SV2C: variants seen among roughly 807,000 people sequenced by gnomAD.
SV2C encodes solute carrier family 22 member B3.
Under a neutral mutation model 79.7 loss-of-function variants are expected in SV2C, and 49 were observed. The observed-to-expected ratio is 0.61, with a 90% CI of 0.49 to 0.78. The LOEUF is 0.78. Ranked by LOEUF, SV2C falls within the 30% of genes least tolerant of loss-of-function variation. The probability of loss-of-function intolerance (pLI) is 0.00; values close to 1 mark genes in which losing one functional copy is unlikely to be tolerated. For synonymous variants in SV2C, 334 were observed against 333.2 expected (o/e 1.00, Z -0.03); for missense variants, 833 against 912.9 (o/e 0.91, Z 1.13).
intron 1 of SV2C, among the ~76,000 whole-genome samples, chr5:76,098,726 C>T (rs1747642227): frequency 6.6e-6 from 1 of 152,172 alleles, no homozygotes; most frequent in South Asian, 2.1e-4. Context: ...AAACAATAAA[C>T]CTGTAAAGGT....
intron 12 of SV2C, among the ~76,000 whole-genome samples, chr5:76,303,800 G>A (rs1026013881): frequency 6.6e-6 from 1 of 152,234 alleles, no homozygotes; most frequent in African/African-American, 2.4e-5. Flanking sequence ...GCAGATGTCA[G>A]GATGGGATTA....
the SV2C span, among the ~76,000 whole-genome samples, chr5:75,893,522 G>A: frequency 0.24 from 36,163 of 151,832 alleles, 4,841 homozygotes; most frequent in East Asian, 0.42. Context: ...GCATGTTGTC[G>A]TAAGTGAGAG....
At chr5:75,990,341 C>A in the SV2C span, among the ~76,000 whole-genome samples, 2 of 151,838 alleles carry the variant, frequency 1.3e-5, no homozygotes, top group Non-Finnish European at 2.9e-5. Context: ...AGGAAGGGGT[C>A]CAGTTTCAAT....
At chr5:76,189,878 C>G (rs763374347) in intron 2 of SV2C, among the ~76,000 whole-genome samples, 2 of 152,148 alleles carry the variant, frequency 1.3e-5, no homozygotes, top group African/African-American at 2.4e-5. Context: ...TTCCCCAAGT[C>G]TTTCTTACAT....
chr5:76,103,633 T>G (rs1747811728), intron 1 of SV2C, among the ~76,000 whole-genome samples: 1 of 152,198 alleles, frequency 6.6e-6, no homozygotes, highest in Non-Finnish European at 1.5e-5. Flanking sequence ...TTATATTAAG[T>G]TTGATTAATA....
At chr5:75,934,676 T>G in the SV2C span, among the ~76,000 whole-genome samples, 1 of 152,170 alleles carries the variant, frequency 6.6e-6, no homozygotes, top group Non-Finnish European at 1.5e-5. Flanking sequence ...TGATTAGGCC[T>G]TAAAGAAATC....
At chr5:76,336,105 C>T (rs550795263), downstream of SV2C, among the ~76,000 whole-genome samples, 2 of 55,138 alleles carry the variant, frequency 3.6e-5, no homozygotes, top group Non-Finnish European at 1.3e-4. Flanking sequence ...GGGGTCTGAC[C>T]CCCCCCACCT....
the SV2C span, among the ~76,000 whole-genome samples, chr5:75,932,596 C>T: frequency 6.6e-5 from 10 of 152,322 alleles, no homozygotes; most frequent in African/African-American, 1.9e-4. Flanking sequence ...AAGCATTCTT[C>T]GTGAAGAGCA....
chr5:76,237,992 A>ACG lies in SV2C; in HGVS notation c.913+28105_913+28106insCG, dbSNP rs1554042039. Among the ~76,000 whole-genome samples, 515 of 126,136 alleles carry ACG rather than the reference A, an allele frequency of 4.1e-3. 4 individuals carry two copies. Among genetic ancestry groups the ACG allele is most frequent in the Middle Eastern group, 0.024 (6 of 252 alleles). The allele number at this position is 126,136 out of a possible 152,430, so 82.8% of individuals were successfully genotyped here. On this transcript the variant is annotated intron_variant, in intron 4 of 12. Coordinates refer to ENST00000502798, the MANE Select transcript of SV2C (RefSeq NM_014979.4). ...CTAACACACACACACACACACACACATACATACATACATACATATACACAC... is the reference window on the plus strand; with the variant it reads ...CTAACACACACACACACACACACACACGTACATACATACATACATATACACAC...
intron 12 of SV2C, among the ~76,000 whole-genome samples, chr5:76,352,232 CA>C (rs1240104831): frequency 7.3e-5 from 11 of 151,716 alleles, no homozygotes; most frequent in African/African-American, 2.7e-4. Context: ...CAAAACAAAA[CA>C]AAAACATCTG....
chr5:76,082,548 C>T (rs193079856), upstream of SV2C, among the ~76,000 whole-genome samples: 1 of 151,706 alleles, frequency 6.6e-6, no homozygotes, highest in East Asian at 1.9e-4. Context: ...CTCTCTTTCT[C>T]CCTCCTCCTC....
intron 2 of SV2C, among the ~76,000 whole-genome samples, chr5:76,165,093 A>G (rs1407187732): frequency 6.6e-6 from 1 of 151,312 alleles, no homozygotes; most frequent in Admixed American, 6.6e-5. Context: ...CAGAGGTGGA[A>G]CCCACAGGTA....
chr5:76,211,463 CGTGTGT>C (rs10593541), intron 4 of SV2C, among the ~76,000 whole-genome samples: 13,020 of 149,448 alleles, frequency 0.087, 1,047 homozygotes, highest in East Asian at 0.45. Context: ...GTTCTGGTTG[CGTGTGT>C]GTGTGTGTGT....
the SV2C span, among the ~76,000 whole-genome samples, chr5:75,969,050 C>A: frequency 1.3e-5 from 2 of 152,086 alleles, no homozygotes; most frequent in Admixed American, 1.3e-4. Context: ...AATTTTCAAC[C>A]CAGAATTTCA....
chr5:76,271,860 C>T (rs1200578274), intron 4 of SV2C, among the ~76,000 whole-genome samples: 4 of 152,100 alleles, frequency 2.6e-5, no homozygotes, highest in African/African-American at 9.7e-5. Context: ...TCCAGAGTCA[C>T]ATTTTCATCC....
chr5:75,971,189 C>A, the SV2C span, among the ~76,000 whole-genome samples: 7 of 152,080 alleles, frequency 4.6e-5, no homozygotes, highest in Non-Finnish European at 1.0e-4. Flanking sequence ...ATAATAAGAG[C>A]TATCCATGAC....
chr5:75,923,846 A>G, the SV2C span, among the ~76,000 whole-genome samples: 407 of 152,334 alleles, frequency 2.7e-3, 1 homozygote, highest in African/African-American at 9.3e-3. Context: ...GGAAAACAGT[A>G]TGGAGAGTCC....
chr5:76,266,831 T>TA, intron 4 of SV2C, among the ~76,000 whole-genome samples: 1 of 152,120 alleles, frequency 6.6e-6, no homozygotes, highest in East Asian at 1.9e-4. Context: ...ATGTTATGTA[T>TA]ATTTTATCAC....
At chr5:76,103,626 T>C (rs952429306) in intron 1 of SV2C, among the ~76,000 whole-genome samples, 4 of 152,234 alleles carry the variant, frequency 2.6e-5, no homozygotes, top group Non-Finnish European at 4.4e-5. Flanking sequence ...TAGTTACTTA[T>C]ATTAAGTTTG....
Sources: allele counts gnomAD v4.1 joint callset (sites outside exome capture counted in the v4.1 genomes callset), GRCh38; gene constraint gnomAD v4.1.1; transcripts MANE v1.5; gene names NCBI Gene and HGNC (gene_info 2026-07-23, HGNC 2026-07-21).